The following DDX25 variants were observed in gnomAD, a reference collection of about 807,000 sequenced individuals.
DDX25 encodes ATP-dependent RNA helicase DDX25.
DDX25 carries 70 observed loss-of-function variants against 64.6 expected under a neutral mutation model. The observed-to-expected ratio is 1.08, with a 90% CI of 0.89 to 1.32. The LOEUF (loss-of-function observed/expected upper bound fraction) is 1.32, where lower values mean the gene tolerates loss of function less well. Ranked by LOEUF, DDX25 falls within the 40% of genes most tolerant of loss-of-function variation. The pLI, the probability that DDX25 is intolerant of heterozygous loss-of-function variation, is 0.00. For synonymous variants in DDX25, 211 were observed against 213.3 expected, an observed-to-expected ratio of 0.99 and a Z score of 0.09; for missense variants, 587 against 604.4, an observed-to-expected ratio of 0.97 and a Z score of 0.30.
intron 10 of DDX25, chr11:125,920,850 C>T: frequency 4.9e-6 from 1 of 204,878 alleles, no homozygotes; most frequent in Non-Finnish European, 9.9e-6. Context: ...GGACTTGGCA[C>T]AGCAGGAGCA....
rs1432309596 is a variant in DDX25 at position 125,905,227 on chromosome 11, C to T, written c.79C>T (p.Gln27Ter). The T allele has an allele frequency of 6.4e-7, 1 of 1,551,542 alleles. No homozygotes were observed. Among genetic ancestry groups the T allele is most frequent in the African/African-American group, 1.4e-5 (1 of 73,050 alleles). ...RLNSHFSNLS[Q>*]PRKNLWGIKS... ...CTCTCAATAGTTTTCAAACCTCAGCCAACCCCGGAAGAACCTTTGGGGTAT... is the reference window on the plus strand; with the variant it reads ...CTCTCAATAGTTTTCAAACCTCAGCTAACCCCGGAAGAACCTTTGGGGTAT... The change falls in exon 2 of 12, where the codon CAA (glutamine) becomes TAA (stop). Residue 27 changes from glutamine to a stop codon, truncating the protein, a stop_gained. Transcript: ENST00000263576. LOFTEE classifies it high-confidence loss of function.
chr11:125,907,347 G>T (rs191008516), intron 4 of DDX25, among the ~76,000 whole-genome samples: 5 of 152,124 alleles, frequency 3.3e-5, no homozygotes, highest in Non-Finnish European at 5.9e-5. Context: ...GGTGGCTCAC[G>T]CCTGTAATCC....
Position 125,920,941 on chromosome 11 carries a change from C to CACAT in DDX25, c.1202-247_1202-246insTACA, listed in dbSNP as rs1239530941. On this transcript the variant is annotated intron_variant, in intron 10 of 11. Transcript: ENST00000263576. ...ACATACACACACACACACACACACA[C>CACAT]ACACACACACACGCCTTGTGTATAT... 8.5e-6 allele frequency: 4 copies of CACAT among 470,200 alleles called. No individual in the cohort carries two copies. In the East Asian group the frequency reaches 1.5e-4, roughly 17 times the overall value. 29.1% of individuals were successfully genotyped at this position (470,200 alleles called of 1,614,324 possible). A position where few individuals can be genotyped will look rare whatever the true frequency, so the allele number is the denominator to read the frequency against.
Position 125,927,095 on chromosome 11 carries a change from A to G in DDX25, c.*4214A>G, listed in dbSNP as rs142391251. The G allele has an allele frequency of 2.6e-5, 4 of 152,318 alleles. No homozygotes were observed. Among genetic ancestry groups the G allele is most frequent in the Middle Eastern group, 3.4e-3 (1 of 294 alleles). The allele number at this position is 152,318 out of a possible 1,614,324, so 9.4% of individuals were successfully genotyped here. On this transcript the variant is annotated 3_prime_UTR_variant, in exon 12 of 12. Transcript: ENST00000263576. The stretch of plus-strand genomic sequence containing the variant: ...TTCTCTTACTGCTTTGCAAACTATC[A>G]GTTTTAAATGTGGGTGGGGCTGAAG...
In DDX25 at chr11:125,921,110, T is replaced by G. The variant is rs1462097601; in HGVS notation, c.1202-81T>G. 4 of 1,358,052 alleles carry G rather than the reference T, an allele frequency of 2.9e-6. No individual in the cohort carries two copies. In the African/African-American group the frequency reaches 5.9e-5, roughly 20 times the overall value. The allele number at this position is 1,358,052 out of a possible 1,614,324, so 84.1% of individuals were successfully genotyped here. On this transcript the variant is annotated intron_variant, in intron 10 of 11. Transcript: ENST00000263576. The surrounding 1 kb of genome is among the most constrained non-coding windows in gnomAD (Gnocchi z 4.1). ...CTAAATTTTCTCTATAAATAGGAATTCCCTTGGCAGACGTGGTACTTGAAT... is the reference window on the plus strand; with the variant it reads ...CTAAATTTTCTCTATAAATAGGAATGCCCTTGGCAGACGTGGTACTTGAAT...
intron 10 of DDX25, among the ~76,000 whole-genome samples, chr11:125,919,439 T>A (rs1945082594): frequency 6.6e-6 from 1 of 152,198 alleles, no homozygotes; most frequent in Non-Finnish European, 1.5e-5. Context: ...TTCTAGTGGC[T>A]GTATACTGGG....
Position 125,910,421 on chromosome 11 carries a change from C to T in DDX25, c.565C>T (p.Gln189Ter), listed in dbSNP as rs192060484. Residue 189 changes from glutamine to a stop codon, truncating the protein, a stop_gained, in exon 7 of 12, where the codon CAG becomes TAG. Transcript: ENST00000263576. LOFTEE classifies it high-confidence loss of function. ...LALQTGRVVE[Q>*]MGKFCVDVQV... ...TCTGCAAACTGGCCGTGTGGTTGAG[C>T]AGATGGGAAAATTCTGTGTGGATGT... The T allele has an allele frequency of 8.1e-6, 13 of 1,613,882 alleles. No individual in the cohort carries two copies. Among genetic ancestry groups the T allele is most frequent in the Non-Finnish European group, 1.1e-5 (13 of 1,179,896 alleles).
At chr11:125,922,798 C>T in intron 11 of DDX25, 22 bp from the exon 12 acceptor site, 1 of 1,595,310 alleles carries the variant, frequency 6.3e-7, no homozygotes, top group Non-Finnish European at 8.6e-7. Flanking sequence ...GAGACTAGTT[C>T]TGTTCTCTTT....
chr11:125,918,538 C>T, intron 9 of DDX25, 90 bp from the exon 10 acceptor site: 3 of 1,494,290 alleles, frequency 2.0e-6, no homozygotes, highest in East Asian at 2.3e-5. Flanking sequence ...CCCTCTCCCA[C>T]CCCCGCCCTG....
Position 125,923,602 on chromosome 11 carries a change from T to C in DDX25, c.*721T>C, listed in dbSNP as rs1258903775. The C allele has an allele frequency of 6.6e-6, 1 of 152,064 alleles. No homozygotes were observed. The highest frequency in any genetic ancestry group is 1.5e-5 in the Non-Finnish European group (1 of 68,010). 9.4% of individuals were successfully genotyped at this position (152,064 alleles called of 1,614,324 possible). A position where few individuals can be genotyped will look rare whatever the true frequency, so the allele number is the denominator to read the frequency against. On this transcript the variant is annotated 3_prime_UTR_variant, in exon 12 of 12. Coordinates refer to ENST00000263576, the MANE Select transcript of DDX25 (RefSeq NM_013264.5). ...GGGTAAAAAAAAAACCCACATACCCTATTAAAGAAGTAACATTTTAGAGAG... is the reference window on the plus strand; with the variant it reads ...GGGTAAAAAAAAAACCCACATACCCCATTAAAGAAGTAACATTTTAGAGAG...
At chr11:125,910,869 G>A (rs1209512823) in intron 7 of DDX25, among the ~76,000 whole-genome samples, 4 of 149,730 alleles carry the variant, frequency 2.7e-5, no homozygotes, top group East Asian at 1.9e-4. Flanking sequence ...TTCCAGAAAC[G>A]TAATGCCAAA....
At chr11:125,914,770 T>C (rs1038469998) in intron 8 of DDX25, among the ~76,000 whole-genome samples, 2 of 152,160 alleles carry the variant, frequency 1.3e-5, no homozygotes, top group African/African-American at 4.8e-5. Context: ...GGAGTCTCAC[T>C]GTGTCACCCA....
At chr11:125,922,587 C>T in intron 11 of DDX25, 1 of 424,304 alleles carries the variant, frequency 2.4e-6, no homozygotes, top group Non-Finnish European at 4.2e-6. Context: ...GCTCTCCTCA[C>T]TTCCACTCTG....
chr11:125,910,806 G>GA (rs1244752402), intron 7 of DDX25, among the ~76,000 whole-genome samples: 1 of 151,906 alleles, frequency 6.6e-6, no homozygotes, highest in Non-Finnish European at 1.5e-5. Context: ...TTATAATGGG[G>GA]AAAAAACTTT....
chr11:125,909,925 T>G (rs1944944541), intron 6 of DDX25, among the ~76,000 whole-genome samples: 1 of 152,182 alleles, frequency 6.6e-6, no homozygotes. Context: ...GTGCTGGGAT[T>G]ACAGGTGTGA....
rs1266602612 is a variant in DDX25, at chr11:125,921,995, T to A, written c.1390+616T>A. The A allele has an allele frequency of 6.6e-6, 1 of 152,272 alleles. No homozygotes were observed. The highest frequency in any genetic ancestry group is 2.4e-5 in the African/African-American group (1 of 41,470). 9.4% of individuals were successfully genotyped at this position (152,272 alleles called of 1,614,324 possible). On this transcript the variant is annotated intron_variant, in intron 11 of 11. Transcript: ENST00000263576. This position sits in a 1 kb window ranked among gnomAD's most constrained non-coding sequence, Gnocchi z 4.1. Reference sequence around the variant, plus strand: ...ATTACAGAAGCAGATTTTCGTATCTTATAAAGAAATTCCCTAAGCAAAGTA... The same window carrying A: ...ATTACAGAAGCAGATTTTCGTATCTAATAAAGAAATTCCCTAAGCAAAGTA...
In DDX25 at chr11:125,919,570, T is replaced by TCC. The variant is rs371432988; in HGVS notation, c.1201+781_1201+782insCC. ...AAAAAATCCTTTTTTTTTTTTTTTT[T>TCC]CAAGAGAAGGGCCTTCCGGCTTTCT... On this transcript the variant is annotated intron_variant, in intron 10 of 11. Coordinates refer to ENST00000263576, the MANE Select transcript of DDX25 (RefSeq NM_013264.5). Among the ~76,000 whole-genome samples the TCC allele has an allele frequency of 4.2e-3, 614 of 147,312 alleles. 2 individuals are homozygous for TCC. Among genetic ancestry groups the TCC allele is most frequent in the Non-Finnish European group, 5.5e-3 (367 of 67,066 alleles).
chr11:125,907,384 G>A (rs545729550), intron 4 of DDX25, among the ~76,000 whole-genome samples: 50 of 152,210 alleles, frequency 3.3e-4, no homozygotes, highest in South Asian at 6.2e-4. Context: ...CAAGGGGGGC[G>A]GATCACGAGG....
chr11:125,911,414 T>C lies in DDX25; in HGVS notation c.726T>C (p.Arg242=). 6.2e-7 allele frequency: 1 copy of C among 1,613,928 alleles called. No individual in the cohort carries two copies. The highest frequency in any genetic ancestry group is 8.5e-7 in the Non-Finnish European group (1 of 1,179,864). ...AATTGATTGATTTGACTAAGATTCG[T>C]GTGTTTGTCCTGGATGAAGCAGATG... is the stretch of plus-strand genomic sequence containing the variant. ...KLKLIDLTKI[R]VFVLDEADVM... Residue 242 remains arginine (R), a synonymous_variant, in exon 8 of 12, where the codon CGT becomes CGC. Coordinates refer to ENST00000263576, the MANE Select transcript of DDX25 (RefSeq NM_013264.5).
Sources: allele counts gnomAD v4.1 joint callset (sites outside exome capture counted in the v4.1 genomes callset), GRCh38; gene constraint gnomAD v4.1.1; non-coding constraint Gnocchi (gnomAD v3.1); transcripts MANE v1.5; gene names NCBI Gene and HGNC (gene_info 2026-07-23, HGNC 2026-07-21).